The following CAST variants were observed in gnomAD, a reference collection of about 807,000 sequenced individuals.
CAST encodes the protein calpastatin.
A neutral mutation model predicts 119.6 loss-of-function variants in CAST; 76 were observed. The ratio of observed to expected loss-of-function variants is 0.64; its 90% CI spans 0.53 to 0.77. The LOEUF is 0.77. Among genes scored for constraint, CAST ranks in the 30% least tolerant of loss-of-function variants. CAST has a pLI of 0.00. For synonymous variants in CAST, 319 were observed against 331.6 expected, an observed-to-expected ratio of 0.96 and a Z score of 0.41; for missense variants, 953 against 946.5, an observed-to-expected ratio of 1.01 and a Z score of -0.09.
the CAST span, among the ~76,000 whole-genome samples, chr5:96,358,433 T>C: frequency 6.6e-6 from 1 of 152,224 alleles, no homozygotes; most frequent in Non-Finnish European, 1.5e-5. Context: ...AGGTTGTTGA[T>C]TTTAGATCTT....
the CAST span, among the ~76,000 whole-genome samples, chr5:96,130,774 A>T: frequency 6.6e-6 from 1 of 152,118 alleles, no homozygotes. Context: ...CATAAAATTT[A>T]ACCAACAAAC....
the CAST span, among the ~76,000 whole-genome samples, chr5:96,299,953 C>A: frequency 2.0e-5 from 3 of 151,964 alleles, no homozygotes; most frequent in Admixed American, 2.0e-4. Context: ...ATTTCTTTAT[C>A]TAGTTATTTC....
At chr5:96,371,677 G>A in the CAST span, among the ~76,000 whole-genome samples, 1 of 152,098 alleles carries the variant, frequency 6.6e-6, no homozygotes, top group Admixed American at 6.5e-5. Context: ...CATACCATCT[G>A]GCACATAGTA....
At chr5:96,656,508 G>A (rs1318569427) in intron 1 of CAST, among the ~76,000 whole-genome samples, 1 of 152,176 alleles carries the variant, frequency 6.6e-6, no homozygotes, top group Non-Finnish European at 1.5e-5. Context: ...TTCTTCCTGT[G>A]CGGGCTGACT....
chr5:96,703,188 A>G (rs1754223132), intron 3 of CAST, among the ~76,000 whole-genome samples: 1 of 152,182 alleles, frequency 6.6e-6, no homozygotes, highest in Non-Finnish European at 1.5e-5. Context: ...GCGTAGGGTT[A>G]CAAAACAAGG....
At chr5:96,254,541 T>C in the CAST span, among the ~76,000 whole-genome samples, 1,076 of 152,300 alleles carry the variant, frequency 7.1e-3, 11 homozygotes, top group African/African-American at 0.025. Context: ...ATTCCTTTCT[T>C]ATTTAATTCC....
At chr5:96,549,939 A>G (rs1274264388) in intron 1 of CAST, among the ~76,000 whole-genome samples, 1 of 152,248 alleles carries the variant, frequency 6.6e-6, no homozygotes, top group Admixed American at 6.5e-5. Flanking sequence ...TAGCTTAACA[A>G]GGCCTACTGC....
At chr5:96,302,277 C>T in the CAST span, among the ~76,000 whole-genome samples, 1 of 152,126 alleles carries the variant, frequency 6.6e-6, no homozygotes, top group Non-Finnish European at 1.5e-5. Context: ...GGGCACTGGG[C>T]CTGCTCACAA....
intron 1 of CAST, among the ~76,000 whole-genome samples, chr5:96,647,305 T>A (rs1038432468): frequency 6.6e-6 from 1 of 152,228 alleles, no homozygotes; most frequent in African/African-American, 2.4e-5. Flanking sequence ...ACACTGAGGA[T>A]GACTTGTTAT....
At chr5:96,567,131 C>G (rs1290154710) in intron 1 of CAST, among the ~76,000 whole-genome samples, 2 of 152,218 alleles carry the variant, frequency 1.3e-5, no homozygotes, top group Non-Finnish European at 2.9e-5. Flanking sequence ...AAACAGCCTT[C>G]TAGCTACTCT....
At chr5:96,636,443 C>T (rs549027115) in intron 1 of CAST, among the ~76,000 whole-genome samples, 158 of 152,184 alleles carry the variant, frequency 1.0e-3, no homozygotes, top group African/African-American at 3.7e-3. Context: ...CCATCTATGT[C>T]CAAAGCCTTC....
chr5:96,634,422 T>C (rs1747860356), intron 1 of CAST, among the ~76,000 whole-genome samples: 1 of 152,242 alleles, frequency 6.6e-6, no homozygotes, highest in African/African-American at 2.4e-5. Flanking sequence ...TCACATATGT[T>C]AGTTTTTCTT....
At chr5:96,313,996 A>G in the CAST span, among the ~76,000 whole-genome samples, 2 of 152,202 alleles carry the variant, frequency 1.3e-5, no homozygotes, top group Non-Finnish European at 2.9e-5. Context: ...CCACTGAACT[A>G]TCATTAATCC....
the CAST span, among the ~76,000 whole-genome samples, chr5:96,500,499 ACAT>A: frequency 6.6e-6 from 1 of 152,204 alleles, no homozygotes; most frequent in Non-Finnish European, 1.5e-5. Context: ...TCTAGGACTG[ACAT>A]CATCAATAAC....
chr5:96,710,538 A>C (rs1010959120), intron 3 of CAST, among the ~76,000 whole-genome samples: 6 of 151,966 alleles, frequency 3.9e-5, no homozygotes, highest in South Asian at 2.1e-4. Context: ...CCTATAAATA[A>C]TTCTCTTCCA....
the CAST span, among the ~76,000 whole-genome samples, chr5:96,024,277 A>G: frequency 6.6e-6 from 1 of 152,252 alleles, no homozygotes; most frequent in African/African-American, 2.4e-5. Flanking sequence ...TGGCTAAAAA[A>G]ATAATCCAGA....
At chr5:96,751,246 CAG>C (rs1257110719) in intron 20 of CAST, among the ~76,000 whole-genome samples, 16 of 152,198 alleles carry the variant, frequency 1.1e-4, no homozygotes, top group Middle Eastern at 3.4e-3. Context: ...GAATTTGACT[CAG>C]GGAATAACAT....
the CAST span, among the ~76,000 whole-genome samples, chr5:96,476,318 C>T: frequency 1.3e-5 from 2 of 152,032 alleles, no homozygotes; most frequent in African/African-American, 4.8e-5. Context: ...TTAGATTACA[C>T]CAAATTCATT....
chr5:96,273,207 T>A, the CAST span, among the ~76,000 whole-genome samples: 2 of 152,210 alleles, frequency 1.3e-5, no homozygotes, highest in Non-Finnish European at 2.9e-5. Context: ...GAGCTATTGT[T>A]TAAGATAACT....
Sources: allele counts gnomAD v4.1 joint callset (sites outside exome capture counted in the v4.1 genomes callset), GRCh38; gene constraint gnomAD v4.1.1; transcripts MANE v1.5; gene names NCBI Gene and HGNC (gene_info 2026-07-23, HGNC 2026-07-21).